TLR5: variants seen among roughly 807,000 people sequenced by gnomAD.
TLR5 encodes toll like receptor 5.
For missense variants in TLR5, 944 were observed against 999.8 expected (o/e 0.94, Z 0.75); for synonymous variants, 373 against 384.4 (o/e 0.97, Z 0.35).
rs1035180728 is a variant in TLR5 at position 223,143,198 on chromosome 1, C to G, written c.-557G>C. 3 of 152,262 alleles carry G rather than the reference C, an allele frequency of 2.0e-5. No individual in the cohort carries two copies. Among genetic ancestry groups the G allele is most frequent in the Non-Finnish European group, 2.9e-5 (2 of 68,070 alleles). 9.4% of individuals were successfully genotyped at this position (152,262 alleles called of 1,614,324 possible). A position where few individuals can be genotyped will look rare whatever the true frequency, so the allele number is the denominator to read the frequency against. On this transcript the variant is annotated splice_region_variant and 5_prime_UTR_variant, in exon 1 of 6. Transcript: ENST00000642603. ...CCCTGCCGCTGCAGGGCGCTCACCT[C>G]TGGGACGCCTCCCCGCGCCGCCTGC...
At chr1:223,141,820 T>G (rs201944284) in intron 1 of TLR5, 57 bp from the exon 2 acceptor site, 9,243 of 42,334 alleles carry the variant, frequency 0.22, 429 homozygotes, top group Non-Finnish European at 0.24. Context: ...TATATATATA[T>G]ATAGAGAGAG....
In TLR5 at chr1:223,112,883, C is replaced by T. The variant is rs753971332; in HGVS notation, c.149G>A (p.Arg50Lys). The change falls in exon 6 of 6, where the codon AGG becomes AAG. Residue 50 changes from arginine to lysine, a missense_variant. Coordinates refer to ENST00000642603, the MANE Select transcript of TLR5 (RefSeq NM_003268.6). ...GATATAGTTGAAGCTCAGCAGGAGC[C>T]TCTCAGTGGTGTTGAGGACCTGGGG... is the stretch of plus-strand genomic sequence containing the variant. The part of the protein sequence containing the change: ...QVPQVLNTTE[R>K]LLLSFNYIRT... The T allele has an allele frequency of 6.2e-7, 1 of 1,614,112 alleles. No individual in the cohort carries two copies. The highest frequency in any genetic ancestry group is 8.5e-7 in the Non-Finnish European group (1 of 1,180,030).
At position 223,111,857 on chromosome 1, in the gene TLR5, C is replaced by T. The variant is rs144418928; in HGVS notation, c.1175G>A (p.Arg392Gln). The T allele has an allele frequency of 1.1e-4, 177 of 1,613,840 alleles. No homozygotes were observed. In the Middle Eastern group the frequency reaches 2.1e-3, roughly 20 times the overall value. Residue 392 changes from arginine to glutamine, a missense_variant, in exon 6 of 6, where the codon CGA (arginine) becomes CAA (glutamine). Transcript: ENST00000642603. ...FLEKLQTLDL[R>Q]DNALTTIHFI... ...ATGAATGGTTGTAAGAGCATTGTCT[C>T]GGAGATCCAAGGTCTGTAATTTTTC... is the stretch of plus-strand genomic sequence containing the variant.
At chr1:223,142,961 C>T (rs764143246) in intron 1 of TLR5, among the ~76,000 whole-genome samples, 1 of 152,214 alleles carries the variant, frequency 6.6e-6, no homozygotes, top group African/African-American at 2.4e-5. Context: ...AGGGCACCCA[C>T]ATGACACGCT....
At chr1:223,142,991 G>T (rs1657945437) in intron 1 of TLR5, among the ~76,000 whole-genome samples, 1 of 152,208 alleles carries the variant, frequency 6.6e-6, no homozygotes. Flanking sequence ...CCTGGGCCGA[G>T]GGACCCCACG....
intron 4 of TLR5, among the ~76,000 whole-genome samples, chr1:223,133,729 G>A (rs1657486848): frequency 6.6e-6 from 1 of 152,242 alleles, no homozygotes; most frequent in Admixed American, 6.5e-5. Context: ...ATTCATGTGA[G>A]GCTTTGAGGA....
chr1:223,124,683 A>C (rs1245956506), intron 5 of TLR5, among the ~76,000 whole-genome samples: 1 of 152,164 alleles, frequency 6.6e-6, no homozygotes, highest in Non-Finnish European at 1.5e-5. Flanking sequence ...AGCTCACTGC[A>C]GCCTCCACTT....
intron 5 of TLR5, among the ~76,000 whole-genome samples, chr1:223,126,235 T>C (rs1392543800): frequency 6.6e-6 from 1 of 152,110 alleles, no homozygotes; most frequent in Non-Finnish European, 1.5e-5. Flanking sequence ...TTATGCTGAG[T>C]AAAATAAGCC....
At chr1:223,116,995 G>A (rs987585195) in intron 5 of TLR5, among the ~76,000 whole-genome samples, 6 of 152,186 alleles carry the variant, frequency 3.9e-5, no homozygotes, top group Admixed American at 6.5e-5. Flanking sequence ...CGATGGGACC[G>A]GGCGCCGTGG....
In TLR5 at chr1:223,111,983, T is replaced by A; in HGVS notation, c.1049A>T (p.Glu350Val). The change falls in exon 6 of 6, where the codon GAA becomes GTA. Residue 350 changes from glutamate to valine, a missense_variant. By Grantham distance (121) the Glu-to-Val change is moderately radical. Coordinates refer to ENST00000642603, the MANE Select transcript of TLR5 (RefSeq NM_003268.6). ...TCCATAGAAATTCGAACTGTAAAGT[T>A]CCCCCAGAAGGTTATATGACAAATT... ...VLNLSYNLLG[E>V]LYSSNFYGLP... is the part of the protein sequence containing the mutation. 2 of 1,614,166 alleles carry A rather than the reference T, an allele frequency of 1.2e-6. No homozygotes were observed. Among genetic ancestry groups the A allele is most frequent in the Non-Finnish European group, 1.7e-6 (2 of 1,180,030 alleles).
At chr1:223,138,270 A>C (rs765593590) in intron 2 of TLR5, among the ~76,000 whole-genome samples, 4 of 151,672 alleles carry the variant, frequency 2.6e-5, no homozygotes, top group Non-Finnish European at 4.4e-5. Flanking sequence ...TTCTTCTATG[A>C]ATCTCCTTGT....
chr1:223,142,627 T>TC (rs1290300434), intron 1 of TLR5, among the ~76,000 whole-genome samples: 1 of 152,116 alleles, frequency 6.6e-6, no homozygotes, highest in Non-Finnish European at 1.5e-5. Context: ...GGCTTTTTTT[T>TC]CCCCCTCTCA....
In TLR5 at chr1:223,112,604, T is replaced by G. The variant is rs5744167; in HGVS notation, c.428A>C (p.Asn143Thr). ...ATCCAAGCGAGTTAAAGCCTTTAAA[T>G]TTCTGAAATAACCATCTTTCAATAC... is the stretch of plus-strand genomic sequence containing the variant. ...DAVLKDGYFR[N>T]LKALTRLDLS... The change falls in exon 6 of 6, where the codon AAT becomes ACT. Residue 143 changes from asparagine to threonine, a missense_variant. Physicochemically the swap from Asn to Thr is moderately conservative, Grantham distance 65 (BLOSUM62 0). Coordinates refer to ENST00000642603, the MANE Select transcript of TLR5 (RefSeq NM_003268.6). 6,323 of 1,614,216 alleles carry G rather than the reference T, an allele frequency of 3.9e-3. 225 individuals carry two copies. The African/African-American group carries it at 0.076, about 19-fold the overall frequency.
At chr1:223,137,471 A>G (rs552163892) in intron 2 of TLR5, among the ~76,000 whole-genome samples, 1 of 152,204 alleles carries the variant, frequency 6.6e-6, no homozygotes, top group Non-Finnish European at 1.5e-5. Flanking sequence ...GCACAGTAAA[A>G]GAGAAAATGC....
intron 5 of TLR5, 100 bp from the exon 6 acceptor site, chr1:223,113,135 C>T (rs1656456097): frequency 3.6e-6 from 4 of 1,108,768 alleles, no homozygotes; most frequent in Non-Finnish European, 5.4e-6. Context: ...TGTGCCTGCT[C>T]CCTTTGACCC....
intron 5 of TLR5, among the ~76,000 whole-genome samples, chr1:223,116,534 G>C (rs374177128): frequency 7.5e-4 from 114 of 152,222 alleles, no homozygotes; most frequent in African/African-American, 2.7e-3. Flanking sequence ...AAGAGCGAGC[G>C]GCAGCAAGAT....
chr1:223,137,561 A>G (rs937273520), intron 2 of TLR5, among the ~76,000 whole-genome samples: 2 of 152,168 alleles, frequency 1.3e-5, no homozygotes, highest in African/African-American at 4.8e-5. Flanking sequence ...GTGAGAACCA[A>G]TGATTTCTGT....
At position 223,133,597 on chromosome 1, in the gene TLR5, G is replaced by C. The variant is rs76952547; in HGVS notation, c.-169-958C>G. Among the ~76,000 whole-genome samples, 1,138 of 152,304 alleles carry C rather than the reference G, an allele frequency of 7.5e-3. 15 individuals carry two copies. Among genetic ancestry groups the C allele is most frequent in the African/African-American group, 0.026 (1,088 of 41,560 alleles). ...GAGCTGCCTCGTTCTTCCAGGATAAGGCATGGCTAAGATGCTGCACGATTG... is the reference window on the plus strand; with the variant it reads ...GAGCTGCCTCGTTCTTCCAGGATAACGCATGGCTAAGATGCTGCACGATTG... On this transcript the variant is annotated intron_variant, in intron 4 of 5. Coordinates refer to ENST00000642603, the MANE Select transcript of TLR5 (RefSeq NM_003268.6).
chr1:223,123,987 G>C (rs1021989296), intron 5 of TLR5: 1 of 152,220 alleles, frequency 6.6e-6, no homozygotes, highest in African/African-American at 2.4e-5. Flanking sequence ...ATGCTAAAAA[G>C]CAATGTGTAT....
Sources: allele counts gnomAD v4.1 joint callset (sites outside exome capture counted in the v4.1 genomes callset), GRCh38; gene constraint gnomAD v4.1.1; transcripts MANE v1.5; gene names NCBI Gene and HGNC (gene_info 2026-07-23, HGNC 2026-07-21).